Variants in ANKRD6 observed in about 807,000 individuals in gnomAD.
The protein encoded by ANKRD6 is ankyrin repeat domain-containing protein 6.
In ANKRD6, 56 loss-of-function variants were observed where a neutral mutation model predicts 82.3. That is an observed-to-expected ratio of 0.68 (90% confidence interval 0.55 to 0.85). ANKRD6 has a LOEUF of 0.85. Ranked by LOEUF, ANKRD6 falls within the 40% of genes least tolerant of loss-of-function variation. The pLI is 0.00. For missense variants in ANKRD6, 852 were observed against 907.6 expected, an observed-to-expected ratio of 0.94 and a Z score of 0.79; for synonymous variants, 347 against 352.1, an observed-to-expected ratio of 0.99 and a Z score of 0.16.
chr6:89,630,409 C>G, intron 15 of ANKRD6, 24 bp from the exon 16 acceptor site: 1 of 1,592,454 alleles, frequency 6.3e-7, no homozygotes. Context: ...TTTGCTCTCA[C>G]GTTTGTTTTC....
intron 1 of ANKRD6, among the ~76,000 whole-genome samples, chr6:89,491,940 C>T (rs958004279): frequency 4.6e-5 from 7 of 152,172 alleles, no homozygotes; most frequent in Non-Finnish European, 7.4e-5. Context: ...TAGATCCTAT[C>T]GCCTTTGTCC....
chr6:89,627,111 CTTT>C (rs58369165), intron 13 of ANKRD6, among the ~76,000 whole-genome samples: 8 of 144,542 alleles, frequency 5.5e-5, no homozygotes, highest in African/African-American at 5.1e-5. Context: ...GTCTCTCTCT[CTTT>C]TTTTTTTTTT....
intron 1 of ANKRD6, among the ~76,000 whole-genome samples, chr6:89,460,396 A>C (rs1241290445): frequency 6.6e-6 from 1 of 152,076 alleles, no homozygotes; most frequent in African/African-American, 2.4e-5. Context: ...CAAAATTTTG[A>C]AAGTAAGTTT....
rs572680627 is a variant in ANKRD6 at position 89,586,974 on chromosome 6, A to G, written c.121-8942A>G. ...GAGGCTGAGGTGGGTGGATCACTTA[A>G]GGTCAGGAGTTCAAAACCAGCCTGG... is the stretch of plus-strand genomic sequence containing the variant. On this transcript the variant is annotated intron_variant, in intron 2 of 15. Transcript: ENST00000339746. 3.8e-4 allele frequency among the ~76,000 whole-genome samples: 58 copies of G among 152,176 alleles called. No individual in the cohort carries two copies. In the South Asian group the frequency reaches 0.012, roughly 31 times the overall value.
intron 1 of ANKRD6, among the ~76,000 whole-genome samples, chr6:89,507,742 A>G (rs1325447508): frequency 3.3e-5 from 5 of 152,248 alleles, no homozygotes; most frequent in Non-Finnish European, 4.4e-5. Flanking sequence ...TTGGGATAAA[A>G]TAAAGTAGCA....
At chr6:89,503,805 G>A (rs1209425450) in intron 1 of ANKRD6, among the ~76,000 whole-genome samples, 1 of 152,164 alleles carries the variant, frequency 6.6e-6, no homozygotes, top group East Asian at 1.9e-4. Context: ...TGTTTCACTA[G>A]CTGGTGATAA....
intron 1 of ANKRD6, among the ~76,000 whole-genome samples, chr6:89,517,648 TATTATA>T (rs1390220219): frequency 6.6e-6 from 1 of 152,242 alleles, no homozygotes; most frequent in Non-Finnish European, 1.5e-5. Flanking sequence ...ACATGATCAT[TATTATA>T]ATTTATAGGA....
chr6:89,505,579 G>A (rs368384373), intron 1 of ANKRD6, among the ~76,000 whole-genome samples: 6 of 152,200 alleles, frequency 3.9e-5, no homozygotes, highest in African/African-American at 7.2e-5. Flanking sequence ...ACGGAGAAGG[G>A]TCTGCCACTA....
intron 1 of ANKRD6, among the ~76,000 whole-genome samples, chr6:89,548,677 C>T (rs752144109): frequency 2.6e-5 from 4 of 152,130 alleles, no homozygotes; most frequent in Admixed American, 6.5e-5. Flanking sequence ...AGAAGCCCAG[C>T]ATATTATAGA....
chr6:89,499,045 T>C (rs1365225536), intron 1 of ANKRD6, among the ~76,000 whole-genome samples: 6 of 152,142 alleles, frequency 3.9e-5, no homozygotes, highest in Non-Finnish European at 8.8e-5. Context: ...TTATGTGATA[T>C]AGTTTGGCCA....
chr6:89,550,745 C>G (rs962248406), intron 1 of ANKRD6, among the ~76,000 whole-genome samples: 2 of 152,078 alleles, frequency 1.3e-5, no homozygotes, highest in African/African-American at 4.8e-5. Context: ...CACTTAAGGT[C>G]AGGAGTTCGA....
intron 1 of ANKRD6, among the ~76,000 whole-genome samples, chr6:89,534,969 A>C (rs894368757): frequency 2.6e-5 from 4 of 152,188 alleles, no homozygotes; most frequent in Admixed American, 2.0e-4. Context: ...AGTGCTGCAC[A>C]CTTGGCAGAT....
intron 1 of ANKRD6, among the ~76,000 whole-genome samples, chr6:89,467,037 G>A (rs1381907238): frequency 1.3e-5 from 2 of 152,194 alleles, no homozygotes; most frequent in African/African-American, 4.8e-5. Flanking sequence ...GCTGTCAGTT[G>A]ACTTCACAAG....
At chr6:89,511,500 C>G (rs1182409615) in intron 1 of ANKRD6, among the ~76,000 whole-genome samples, 1 of 152,226 alleles carries the variant, frequency 6.6e-6, no homozygotes, top group African/African-American at 2.4e-5. Context: ...TGGGGTCAGG[C>G]ACTCTGAAGC....
At chr6:89,604,058 G>A (rs944662589) in intron 4 of ANKRD6, among the ~76,000 whole-genome samples, 7 of 152,244 alleles carry the variant, frequency 4.6e-5, no homozygotes, top group Non-Finnish European at 1.0e-4. Flanking sequence ...CAGGCGCAGT[G>A]GTTCATGCCT....
chr6:89,589,444 T>A (rs1052791445), intron 2 of ANKRD6, among the ~76,000 whole-genome samples: 6 of 152,208 alleles, frequency 3.9e-5, no homozygotes, highest in African/African-American at 9.7e-5. Flanking sequence ...GTCTGACACC[T>A]GCTGGGAACA....
At chr6:89,489,569 T>G (rs551370774) in intron 1 of ANKRD6, among the ~76,000 whole-genome samples, 43 of 152,364 alleles carry the variant, frequency 2.8e-4, no homozygotes, top group Non-Finnish European at 4.9e-4. Flanking sequence ...AAGTTTTTGG[T>G]CTTCTAGAAT....
At chr6:89,598,054 A>G in intron 3 of ANKRD6, 5 of 958,062 alleles carry the variant, frequency 5.2e-6, no homozygotes, top group East Asian at 1.2e-4. Context: ...GAGAATGTTA[A>G]TGATATGAAG....
intron 1 of ANKRD6, among the ~76,000 whole-genome samples, chr6:89,503,172 A>G (rs1779448291): frequency 1.3e-5 from 2 of 152,198 alleles, no homozygotes; most frequent in African/African-American, 4.8e-5. Context: ...AGCTTTTTGC[A>G]TTAGGCTAGT....
Sources: allele counts gnomAD v4.1 joint callset (sites outside exome capture counted in the v4.1 genomes callset), GRCh38; gene constraint gnomAD v4.1.1; transcripts MANE v1.5; gene names NCBI Gene and HGNC (gene_info 2026-07-23, HGNC 2026-07-21).